The following LINGO2 variants were observed in gnomAD, a reference collection of about 807,000 sequenced individuals.
The protein encoded by LINGO2 is leucine rich repeat and Ig domain containing 2.
Under a neutral mutation model 30.6 loss-of-function variants are expected in LINGO2, and 14 were observed. The observed-to-expected ratio is 0.46, with a 90% CI of 0.30 to 0.72. The LOEUF (loss-of-function observed/expected upper bound fraction) is 0.72. LINGO2 is among the 30% of genes least tolerant of loss of function. The probability of loss-of-function intolerance (pLI) is 0.07; values close to 1 mark genes in which losing one functional copy is unlikely to be tolerated. For missense variants in LINGO2, 729 were observed against 751.7 expected, an observed-to-expected ratio of 0.97 and a Z score of 0.35; for synonymous variants, 317 against 288.5, an observed-to-expected ratio of 1.10 and a Z score of -1.00.
intron 4 of LINGO2, among the ~76,000 whole-genome samples, chr9:28,198,824 A>G (rs1228839100): frequency 2.0e-5 from 3 of 152,122 alleles, no homozygotes; most frequent in Admixed American, 6.5e-5. Context: ...TGCACATACA[A>G]TCTCACGGAA....
intron 4 of LINGO2, among the ~76,000 whole-genome samples, chr9:28,271,522 T>C (rs1269464822): frequency 5.3e-5 from 8 of 152,208 alleles, no homozygotes; most frequent in Non-Finnish European, 1.2e-4. Flanking sequence ...TGGCACATGA[T>C]AGAATAACTT....
At chr9:29,153,944 CAG>C in the LINGO2 span, among the ~76,000 whole-genome samples, 6 of 152,082 alleles carry the variant, frequency 3.9e-5, no homozygotes, top group African/African-American at 1.4e-4. Context: ...CCATGAGATC[CAG>C]ATAGAAGTTC....
intron 5 of LINGO2, among the ~76,000 whole-genome samples, chr9:27,971,511 T>C (rs933690376): frequency 2.0e-5 from 3 of 152,200 alleles, no homozygotes; most frequent in African/African-American, 7.2e-5. Flanking sequence ...GCCACCCAAG[T>C]AGCTGGGATT....
intron 1 of LINGO2, among the ~76,000 whole-genome samples, chr9:28,611,977 T>C (rs1825939169): frequency 6.6e-6 from 1 of 151,896 alleles, no homozygotes; most frequent in Admixed American, 6.6e-5. Context: ...CCAGCCACCA[T>C]GCCTGGCTAA....
chr9:29,144,119 C>A, the LINGO2 span, among the ~76,000 whole-genome samples: 135 of 152,152 alleles, frequency 8.9e-4, no homozygotes, highest in African/African-American at 3.2e-3. Context: ...TCTGTTCCAT[C>A]GGTTTATGTG....
At chr9:28,402,501 C>A (rs933865392) in intron 2 of LINGO2, among the ~76,000 whole-genome samples, 4 of 151,982 alleles carry the variant, frequency 2.6e-5, no homozygotes, top group Non-Finnish European at 4.4e-5. Context: ...AACTTTTTGC[C>A]ATGAAGAATC....
the LINGO2 span, among the ~76,000 whole-genome samples, chr9:28,977,263 T>C: frequency 6.6e-6 from 1 of 152,132 alleles, no homozygotes; most frequent in Non-Finnish European, 1.5e-5. Flanking sequence ...GTCTATATTA[T>C]ATACAAATGG....
the LINGO2 span, among the ~76,000 whole-genome samples, chr9:28,879,676 T>C: frequency 6.6e-6 from 1 of 152,156 alleles, no homozygotes; most frequent in African/African-American, 2.4e-5. Flanking sequence ...ACACCCCTCT[T>C]TGTAGAGTTC....
At chr9:28,313,126 C>T (rs4879126) in intron 3 of LINGO2, among the ~76,000 whole-genome samples, 149,796 of 152,316 alleles carry the variant, frequency 0.98, 73,708 homozygotes, top group Middle Eastern at 1. Context: ...TTTCCTATAT[C>T]GTACAGACAG....
the LINGO2 span, among the ~76,000 whole-genome samples, chr9:29,132,438 C>T: frequency 6.6e-6 from 1 of 152,124 alleles, no homozygotes; most frequent in African/African-American, 2.4e-5. Flanking sequence ...AACTTTGTAA[C>T]TTCACTTCAG....
the LINGO2 span, among the ~76,000 whole-genome samples, chr9:28,823,694 G>A: frequency 6.6e-6 from 1 of 152,196 alleles, no homozygotes; most frequent in Non-Finnish European, 1.5e-5. Context: ...TTAGCTCCTA[G>A]ACAAAGGCGG....
the LINGO2 span, among the ~76,000 whole-genome samples, chr9:28,829,403 G>A: frequency 3.3e-5 from 5 of 152,132 alleles, no homozygotes; most frequent in Admixed American, 6.5e-5. Flanking sequence ...CTCTGCCCTC[G>A]CAAAAAGGCA....
At chr9:28,546,364 G>A (rs1460580621) in intron 1 of LINGO2, among the ~76,000 whole-genome samples, 1 of 151,996 alleles carries the variant, frequency 6.6e-6, no homozygotes, top group Non-Finnish European at 1.5e-5. Flanking sequence ...GACCAAATTA[G>A]GTTAGATGAA....
the LINGO2 span, among the ~76,000 whole-genome samples, chr9:28,961,393 C>T: frequency 6.6e-6 from 1 of 152,110 alleles, no homozygotes; most frequent in Non-Finnish European, 1.5e-5. Context: ...CAGGGAATAA[C>T]TTGTAACGTA....
At chr9:28,775,812 A>G in the LINGO2 span, among the ~76,000 whole-genome samples, 1 of 152,198 alleles carries the variant, frequency 6.6e-6, no homozygotes, top group African/African-American at 2.4e-5. Context: ...TTTGGGGAAA[A>G]TATACTTTGT....
At chr9:28,717,801 C>T in the LINGO2 span, among the ~76,000 whole-genome samples, 1 of 151,958 alleles carries the variant, frequency 6.6e-6, no homozygotes, top group Non-Finnish European at 1.5e-5. Context: ...TTTTCAGGTG[C>T]TGGACCACTC....
chr9:28,210,149 T>C (rs1005741920), intron 4 of LINGO2, among the ~76,000 whole-genome samples: 3 of 151,750 alleles, frequency 2.0e-5, no homozygotes, highest in African/African-American at 7.2e-5. Flanking sequence ...GATATTTCAA[T>C]ATTTTTCCAA....
At chr9:28,966,758 G>A in the LINGO2 span, among the ~76,000 whole-genome samples, 1 of 151,988 alleles carries the variant, frequency 6.6e-6, no homozygotes, top group Non-Finnish European at 1.5e-5. Context: ...GTAATGTAGA[G>A]TCCCCAGGAT....
chr9:29,212,585 G>C, the LINGO2 span, among the ~76,000 whole-genome samples: 1 of 151,684 alleles, frequency 6.6e-6, no homozygotes, highest in East Asian at 1.9e-4. Context: ...GTGGGTCTGC[G>C]GTGCTAATAA....
Sources: allele counts gnomAD v4.1 joint callset (sites outside exome capture counted in the v4.1 genomes callset), GRCh38; gene constraint gnomAD v4.1.1; transcripts MANE v1.5; gene names NCBI Gene and HGNC (gene_info 2026-07-23, HGNC 2026-07-21).